The following GPT variants were observed in gnomAD, a reference collection of about 807,000 sequenced individuals.
The protein encoded by GPT is glutamic--pyruvic transaminase.
In GPT, 60 loss-of-function variants were observed where a neutral mutation model predicts 51.4. That is an observed-to-expected ratio of 1.17 (90% CI 0.95 to 1.45). The LOEUF (loss-of-function observed/expected upper bound fraction) is 1.45, where lower values mean the gene tolerates loss of function less well. Among genes scored for constraint, GPT ranks in the 40% most tolerant of loss-of-function variants. The probability of loss-of-function intolerance (pLI) is 0.00; values close to 1 mark genes in which losing one functional copy is unlikely to be tolerated. For synonymous variants in GPT, 397 were observed against 303.1 expected, an observed-to-expected ratio of 1.31 and a Z score of -3.22; for missense variants, 853 against 704.0, an observed-to-expected ratio of 1.21 and a Z score of -2.40.
intron 1 of GPT, 48 bp downstream of exon 1, chr8:144,504,514 C>T (rs375274571): frequency 8.3e-5 from 134 of 1,607,982 alleles, no homozygotes; most frequent in Non-Finnish European, 1.1e-4. Context: ...ATGGGGTGGC[C>T]GAGTTGGCCC....
In GPT at chr8:144,504,321, G is replaced by A. The variant is rs149452487; in HGVS notation, c.17G>A (p.Gly6Asp). The A allele has an allele frequency of 3.6e-5, 58 of 1,609,624 alleles. No homozygotes were observed. The highest frequency in any genetic ancestry group is 9.3e-5 in the African/African-American group (7 of 74,944). The change falls in exon 1 of 11, where the codon GGT becomes GAT. Residue 6 changes from glycine to aspartate, a missense_variant. Gly to Asp is a moderately conservative substitution (Grantham distance 94). Transcript: ENST00000394955. The part of the protein sequence containing the change: MASST[G>D]DRSQAVRHGL... Reference sequence around the variant, plus strand: ...GGTAGAGTCATGGCCTCGAGCACAGGTGACCGGAGCCAGGCGGTGAGGCAT... The same window carrying A: ...GGTAGAGTCATGGCCTCGAGCACAGATGACCGGAGCCAGGCGGTGAGGCAT...
chr8:144,505,458 G>C lies in GPT; in HGVS notation c.708G>C (p.Ala236=). The C allele has an allele frequency of 1.3e-6, 2 of 1,594,654 alleles. No homozygotes were observed. The highest frequency in any genetic ancestry group is 2.2e-4 in the Middle Eastern group (1 of 4,456). The change falls in exon 5 of 11, where the codon GCG becomes GCC. Residue 236 remains alanine, a synonymous_variant. Transcript: ENST00000394955. ...CGCGTGACCACTGCCGCCCTCGTGCGCTCTGTGTCATCAACCCTGGCAACC... is the reference window on the plus strand; with the variant it reads ...CGCGTGACCACTGCCGCCCTCGTGCCCTCTGTGTCATCAACCCTGGCAACC... ...GQARDHCRPR[A]LCVINPGNPT...
intron 5 of GPT, 75 bp downstream of exon 5, chr8:144,505,564 C>G: frequency 1.0e-6 from 1 of 976,992 alleles, no homozygotes. Flanking sequence ...CCACTCCCCC[C>G]GCGCCCACGG....
At chr8:144,504,033 C>T (rs756500080), upstream of GPT, 60 of 543,532 alleles carry the variant, frequency 1.1e-4, no homozygotes, top group Non-Finnish European at 1.9e-4. Context: ...CCAAGCCCCG[C>T]CTGCCACCTC....
rs574630534 is a variant in GPT, at chr8:144,506,943, G to T, written c.1434G>T (p.Arg478=). The T allele has an allele frequency of 1.2e-6, 2 of 1,612,858 alleles. No individual in the cohort carries two copies. The highest frequency in any genetic ancestry group is 4.5e-5 in the East Asian group (2 of 44,870). Residue 478 remains arginine (R), a synonymous_variant, in exon 11 of 11, where the codon CGG becomes CGT. Transcript: ENST00000394955. The surrounding 1 kb of genome is among the most constrained non-coding windows in gnomAD (Gnocchi z 7.0). ...TTCTGCCCCCCTTGGAGAAACTGCG[G>T]CTGCTGCTGGAGAAGCTGAGCAGGT... is the stretch of plus-strand genomic sequence containing the variant. The part of the protein sequence containing the change: ...MTILPPLEKL[R]LLLEKLSRFH...
In GPT at chr8:144,507,113, G is replaced by GGGGGGGGGGGGGGGGGGGGC; in HGVS notation, c.*114_*115insGGGGGGGGGGGGGGGGGGCG. The GGGGGGGGGGGGGGGGGGGGC allele has an allele frequency of 5.9e-6, 3 of 512,008 alleles. No homozygotes were observed. Among genetic ancestry groups the GGGGGGGGGGGGGGGGGGGGC allele is most frequent in the Non-Finnish European group, 7.6e-6 (2 of 263,570 alleles). The allele number at this position is 512,008 out of a possible 1,614,324, so 31.7% of individuals were successfully genotyped here. On this transcript the variant is annotated 3_prime_UTR_variant, in exon 11 of 11. Coordinates refer to ENST00000394955, the MANE Select transcript of GPT (RefSeq NM_005309.3). ...ATGCCTGGCGGGGTGGGGTGGGGGG[G>GGGGGGGGGGGGGGGGGGGGC]GTGCTGGGCCCCTGCCTCTCTGCAG...
chr8:144,505,975 G>A lies in GPT; in HGVS notation c.820-20G>A. ...AAGCCGGGCAACAGTCCGCCCCCGT[G>A]ACGCCTTGCGCCCTTCCAGGTGTAC... On this transcript the variant is annotated intron_variant, in intron 6 of 10. Coordinates refer to ENST00000394955, the MANE Select transcript of GPT (RefSeq NM_005309.3). 1 of 1,612,284 alleles carries A rather than the reference G, an allele frequency of 6.2e-7. No homozygotes were observed. Among genetic ancestry groups the A allele is most frequent in the Non-Finnish European group, 8.5e-7 (1 of 1,179,660 alleles).
Position 144,507,015 on chromosome 8 carries a change from G to T in GPT, c.*15G>T, listed in dbSNP as rs45592435. 2.9e-5 allele frequency: 46 copies of T among 1,579,684 alleles called. No individual in the cohort carries two copies. In the Admixed American group the frequency reaches 5.6e-4, roughly 19 times the overall value. On this transcript the variant is annotated 3_prime_UTR_variant, in exon 11 of 11. Coordinates refer to ENST00000394955, the MANE Select transcript of GPT (RefSeq NM_005309.3). Reference sequence around the variant, plus strand: ...AGTACTCCTGAGCACCCCAGCTGGGGCCAGGCTGGGTCGCCCTGGACTGTG... The same window carrying T: ...AGTACTCCTGAGCACCCCAGCTGGGTCCAGGCTGGGTCGCCCTGGACTGTG...
Position 144,506,438 on chromosome 8 carries a change from C to T in GPT, c.1131+32C>T. 1.3e-6 allele frequency: 2 copies of T among 1,566,334 alleles called. No homozygotes were observed. Among genetic ancestry groups the T allele is most frequent in the Non-Finnish European group, 1.7e-6 (2 of 1,157,110 alleles). On this transcript the variant is annotated intron_variant, in intron 8 of 10. Coordinates refer to ENST00000394955, the MANE Select transcript of GPT (RefSeq NM_005309.3). This position sits in a 1 kb window ranked among gnomAD's most constrained non-coding sequence, Gnocchi z 7.0. ...TGGGGGCAGGAGGGGGTCCAGGTGA[C>T]CTAATCAGGGGTGGGGGATGCCGAG...
At chr8:144,505,690 C>T (rs1417064394) in intron 5 of GPT, among the ~76,000 whole-genome samples, 158 bp from the exon 6 acceptor site, 2 of 114,740 alleles carry the variant, frequency 1.7e-5, no homozygotes, top group Non-Finnish European at 3.6e-5. Flanking sequence ...CCACTCCCTC[C>T]GCGCCCACGG....
Position 144,506,229 on chromosome 8 carries a change from C to G in GPT, c.957-3C>G. On this transcript the variant is annotated splice_region_variant and splice_polypyrimidine_tract_variant and intron_variant, in intron 7 of 10. Transcript: ENST00000394955. This position sits in a 1 kb window ranked among gnomAD's most constrained non-coding sequence, Gnocchi z 7.0. ...CCTCCGCACCTGACCTGGCCGTGCG[C>G]AGGTGCGGGTTCCGCGGCGGCTATG... 1 of 1,607,038 alleles carries G rather than the reference C, an allele frequency of 6.2e-7. No homozygotes were observed. The highest frequency in any genetic ancestry group is 8.5e-7 in the Non-Finnish European group (1 of 1,178,668).
rs760475837 is a variant in GPT at position 144,506,694 on chromosome 8, G to C, written c.1288-37G>C. 2.0e-5 allele frequency: 31 copies of C among 1,556,686 alleles called. 1 individual carries two copies. The highest frequency in any genetic ancestry group is 1.1e-4 in the East Asian group (5 of 44,396). ...CGGGGCCTGCGGGGTGGGCAGGGGG[G>C]GCCGGGCATCCCTCTCTGACGGCTC... On this transcript the variant is annotated intron_variant, in intron 9 of 10. Transcript: ENST00000394955. The surrounding 1 kb of genome is among the most constrained non-coding windows in gnomAD (Gnocchi z 7.0).
Position 144,506,279 on chromosome 8 carries a change from C to A in GPT, c.1004C>A (p.Ala335Glu), listed in dbSNP as rs1240800169. The A allele has an allele frequency of 6.2e-7, 1 of 1,603,564 alleles. No homozygotes were observed. The highest frequency in any genetic ancestry group is 1.7e-5 in the Admixed American group (1 of 59,470). ...GYVEVVNMDA[A>E]VQQQMLKLMS... Reference sequence around the variant, plus strand: ...GTGGAGGTGGTGAACATGGACGCTGCAGTGCAGCAGCAGATGCTGAAGCTG... The same window carrying A: ...GTGGAGGTGGTGAACATGGACGCTGAAGTGCAGCAGCAGATGCTGAAGCTG... Residue 335 changes from alanine to glutamate, a missense_variant, in exon 8 of 11, where the codon GCA becomes GAA. By Grantham distance (107) the Ala-to-Glu change is moderately radical. Transcript: ENST00000394955. The surrounding 1 kb of genome is among the most constrained non-coding windows in gnomAD (Gnocchi z 7.0).
In GPT at chr8:144,504,989, C is replaced by G. The variant is rs772711549; in HGVS notation, c.362-9C>G. The G allele has an allele frequency of 5.0e-6, 8 of 1,612,920 alleles. No homozygotes were observed. The South Asian group carries it at 5.5e-5, about 11-fold the overall frequency. On this transcript the variant is annotated splice_polypyrimidine_tract_variant and intron_variant, in intron 3 of 10. Coordinates refer to ENST00000394955, the MANE Select transcript of GPT (RefSeq NM_005309.3). ...CCTGTACTTCCCATCCTGTCCTGCC[C>G]GAGTCCAGGGGCCTACAGCGTCAGC...
rs561721324 is a variant in GPT at position 144,506,950 on chromosome 8, C to T, written c.1441C>T (p.Leu481=). The change falls in exon 11 of 11, where the codon CTG becomes TTG. Residue 481 remains leucine, a synonymous_variant. Transcript: ENST00000394955. This position sits in a 1 kb window ranked among gnomAD's most constrained non-coding sequence, Gnocchi z 7.0. ...CCCCTTGGAGAAACTGCGGCTGCTG[C>T]TGGAGAAGCTGAGCAGGTTCCATGC... ...LPPLEKLRLL[L]EKLSRFHAKF... 1 of 1,612,878 alleles carries T rather than the reference C, an allele frequency of 6.2e-7. No homozygotes were observed. Among genetic ancestry groups the T allele is most frequent in the African/African-American group, 1.3e-5 (1 of 75,064 alleles).
chr8:144,504,961 T>G (rs565556920), intron 3 of GPT, 37 bp from the exon 4 acceptor site: 12 of 1,612,936 alleles, frequency 7.4e-6, no homozygotes, highest in Middle Eastern at 1.6e-4. Context: ...GAGGAGAACT[T>G]CACCTGTACT....
intron 5 of GPT, 56 bp from the exon 6 acceptor site, chr8:144,505,792 G>A (rs1421629041): frequency 6.2e-6 from 9 of 1,442,514 alleles, no homozygotes; most frequent in African/African-American, 2.9e-5. Context: ...GCTGCCCAGC[G>A]GAGGGCAGTG....
Position 144,506,904 on chromosome 8 carries a change from T to C in GPT, c.1401-6T>C, listed in dbSNP as rs1330179166. On this transcript the variant is annotated splice_region_variant and splice_polypyrimidine_tract_variant and intron_variant, in intron 10 of 10. Transcript: ENST00000394955. The surrounding 1 kb of genome is among the most constrained non-coding windows in gnomAD (Gnocchi z 7.0). ...TGGCCCTTCACTCACTGTCAACTCC[T>C]TTCAGGATGACCATTCTGCCCCCCT... 6.2e-7 allele frequency: 1 copy of C among 1,612,786 alleles called. No individual in the cohort carries two copies. Among genetic ancestry groups the C allele is most frequent in the Non-Finnish European group, 8.5e-7 (1 of 1,179,798 alleles).
At position 144,505,866 on chromosome 8, in the gene GPT, A is replaced by C. The variant is rs1333177608; in HGVS notation, c.758A>C (p.Glu253Ala). 1 of 1,557,776 alleles carries C rather than the reference A, an allele frequency of 6.4e-7. No individual in the cohort carries two copies. Among genetic ancestry groups the C allele is most frequent in the Admixed American group, 1.9e-5 (1 of 51,956 alleles). Reference protein sequence around the residue: ...GNPTGQVQTRECIEAVIRFAF... With the variant: ...GNPTGQVQTRACIEAVIRFAF... The stretch of plus-strand genomic sequence containing the variant: ...ACCCCAGGGCAGGTGCAGACCCGCG[A>C]GTGCATCGAGGCCGTGATCCGCTTC... Residue 253 changes from glutamate (E) to alanine (A), a missense_variant, in exon 6 of 11, where the codon GAG (glutamate) becomes GCG (alanine). Physicochemically the swap from Glu to Ala is moderately radical, Grantham distance 107 (BLOSUM62 -1). Coordinates refer to ENST00000394955, the MANE Select transcript of GPT (RefSeq NM_005309.3).
Sources: gnomAD v4.1 joint callset for allele counts (sites outside exome capture counted in the v4.1 genomes callset) on GRCh38, gnomAD v4.1.1 for gene constraint, Gnocchi (gnomAD v3.1) non-coding constraint, MANE v1.5 for transcripts, NCBI Gene and HGNC (gene_info 2026-07-23, HGNC 2026-07-21) for gene names.